DNAH1: variants seen among roughly 807,000 people sequenced by gnomAD.
The protein encoded by DNAH1 is dynein axonemal heavy chain 1.
A neutral mutation model predicts 484.3 loss-of-function variants in DNAH1; 327 were observed. The ratio of observed to expected loss-of-function variants is 0.68; its 90% CI spans 0.62 to 0.74. The LOEUF (loss-of-function observed/expected upper bound fraction) is 0.74. Among genes scored for constraint, DNAH1 ranks in the 30% least tolerant of loss-of-function variants. The pLI is 0.00. For missense variants in DNAH1, 5,052 were observed against 5,546.8 expected, an observed-to-expected ratio of 0.91 and a Z score of 2.83; for synonymous variants, 2,192 against 2,191.9, an observed-to-expected ratio of 1.00 and a Z score of 0.00.
chr3:52,324,562 G>T (rs988626456), intron 3 of DNAH1, among the ~76,000 whole-genome samples: 1 of 151,950 alleles, frequency 6.6e-6, no homozygotes, highest in Non-Finnish European at 1.5e-5. Context: ...GCCCCTGTCC[G>T]CCCCTCCTCC....
Position 52,361,410 on chromosome 3 carries a change from G to C in DNAH1, c.4874+58G>C. On this transcript the variant is annotated intron_variant, in intron 29 of 77. Coordinates refer to ENST00000420323, the MANE Select transcript of DNAH1 (RefSeq NM_015512.5). The surrounding 1 kb of genome is among the most constrained non-coding windows in gnomAD (Gnocchi z 5.6). ...GGTGGGACAGCCTAGCTCTCCTTGGGGAGGGCTAGGTGAGGGCAGTGCCTG... is the reference window on the plus strand; with the variant it reads ...GGTGGGACAGCCTAGCTCTCCTTGGCGAGGGCTAGGTGAGGGCAGTGCCTG... 1 of 1,483,846 alleles carries C rather than the reference G, an allele frequency of 6.7e-7. No homozygotes were observed. The highest frequency in any genetic ancestry group is 9.0e-7 in the Non-Finnish European group (1 of 1,110,598). 91.9% of individuals were successfully genotyped at this position (1,483,846 alleles called of 1,614,324 possible). A position where few individuals can be genotyped will look rare whatever the true frequency, so the allele number is the denominator to read the frequency against.
In DNAH1 at chr3:52,348,806, C is replaced by T. The variant is rs7633687; in HGVS notation, c.2107-82C>T. The T allele has an allele frequency of 0.11, 169,100 of 1,493,014 alleles. 10,484 individuals carry two copies. Among genetic ancestry groups the T allele is most frequent in the Non-Finnish European group, 0.13 (139,219 of 1,096,990 alleles). 92.5% of individuals were successfully genotyped at this position (1,493,014 alleles called of 1,614,324 possible). A position where few individuals can be genotyped will look rare whatever the true frequency, so the allele number is the denominator to read the frequency against. ...TCCTGCCCCTGCTTGCCCTGCTCCT[C>T]GGGAGGACTCCCCATCTCCCCTCTG... On this transcript the variant is annotated intron_variant, in intron 12 of 77. Transcript: ENST00000420323.
intron 52 of DNAH1, 144 bp from the exon 53 acceptor site, chr3:52,384,642 T>G (rs1704015565): frequency 8.6e-6 from 7 of 815,552 alleles, no homozygotes; most frequent in Non-Finnish European, 1.1e-5. Flanking sequence ...CTGGAGGTCG[T>G]GAGGCTCATA....
At chr3:52,352,172 C>T (rs998873328) in intron 17 of DNAH1, 69 bp downstream of exon 17, 102 of 1,525,888 alleles carry the variant, frequency 6.7e-5, no homozygotes, top group Non-Finnish European at 8.7e-5. Flanking sequence ...TCTCCAGGGC[C>T]TGGCCTCACT....
Position 52,364,820 on chromosome 3 carries a change from G to C in DNAH1, c.5332-13G>C. 1 of 1,611,096 alleles carries C rather than the reference G, an allele frequency of 6.2e-7. No homozygotes were observed. The highest frequency in any genetic ancestry group is 1.7e-4 in the Middle Eastern group (1 of 6,050). On this transcript the variant is annotated splice_polypyrimidine_tract_variant and intron_variant, in intron 33 of 77. Coordinates refer to ENST00000420323, the MANE Select transcript of DNAH1 (RefSeq NM_015512.5). This position sits in a 1 kb window ranked among gnomAD's most constrained non-coding sequence, Gnocchi z 4.2. ...GCCCACTGCCCTGAAGGCTCAGCCG[G>C]CACCTGCTGCAGGAGCTGATCTGCC...
chr3:52,348,009 T>G (rs1395956730), intron 12 of DNAH1, 35 bp downstream of exon 12: 3 of 1,576,398 alleles, frequency 1.9e-6, no homozygotes, highest in Non-Finnish European at 2.6e-6. Context: ...CCCAGGCACC[T>G]GCTGCCCTGG....
chr3:52,394,661 G>C lies in DNAH1; in HGVS notation c.10823G>C (p.Arg3608Pro), dbSNP rs775908803. Residue 3608 changes from arginine (R) to proline (P), a missense_variant and splice_region_variant, in exon 67 of 78, where the codon CGG (arginine) becomes CCG (proline). Physicochemically the swap from Arg to Pro is moderately radical, Grantham distance 103. Coordinates refer to ENST00000420323, the MANE Select transcript of DNAH1 (RefSeq NM_015512.5). Reference protein sequence around the residue: ...RVIFDSLEPHREPLPGIWDQY... With the variant: ...RVIFDSLEPHPEPLPGIWDQY... The stretch of plus-strand genomic sequence containing the variant: ...ATCTTCGACAGCCTTGAGCCCCACC[G>C]GTTAGCTGGGCCCCAGAATATGGCA... The C allele has an allele frequency of 7.0e-6, 11 of 1,561,472 alleles. No homozygotes were observed. The South Asian group carries it at 1.2e-4, about 17-fold the overall frequency.
At chr3:52,327,085 C>G (rs1294370064) in intron 5 of DNAH1, among the ~76,000 whole-genome samples, 194 bp downstream of exon 5, 1 of 151,076 alleles carries the variant, frequency 6.6e-6, no homozygotes, top group African/African-American at 2.4e-5. Context: ...GGGCCCCCAG[C>G]CCCCCTAGAA....
chr3:52,323,868 T>C lies in DNAH1; in HGVS notation c.394T>C (p.Phe132Leu), dbSNP rs1271592377. The C allele has an allele frequency of 6.3e-7, 1 of 1,577,008 alleles. No individual in the cohort carries two copies. The highest frequency in any genetic ancestry group is 1.8e-5 in the Admixed American group (1 of 54,594). Residue 132 changes from phenylalanine (F) to leucine (L), a missense_variant, in exon 3 of 78, where the codon TTC becomes CTC. Around this residue, in one of 4 missense-constraint regions of DNAH1, gnomAD observed 1,263 missense variants for 1,218.8 expected, o/e 1.04. Transcript: ENST00000420323. ...CCTGCGGCAGGCTGACCTTGACAAG[T>C]TCACCCCAAGAGGTCAGTGCTCAGG... The part of the protein sequence containing the change: ...NLLRQADLDK[F>L]TPRVGSFEVP...
At chr3:52,328,733 C>T (rs946416539) in intron 6 of DNAH1, among the ~76,000 whole-genome samples, 1 of 152,254 alleles carries the variant, frequency 6.6e-6, no homozygotes, top group African/African-American at 2.4e-5. Context: ...GGTGGGCATC[C>T]GCAGCTGACA....
intron 28 of DNAH1, 28 bp downstream of exon 28, chr3:52,360,452 A>G (rs769370180): frequency 8.9e-6 from 14 of 1,573,932 alleles, no homozygotes; most frequent in Non-Finnish European, 1.1e-5. Context: ...GCTCCTTCCC[A>G]CACTGAGACC....
At chr3:52,373,825 A>G (rs1703463935) in intron 44 of DNAH1, 1 of 1,420,180 alleles carries the variant, frequency 7.0e-7, no homozygotes, top group Admixed American at 1.7e-5. Flanking sequence ...GTGATCACAG[A>G]GCCTGTTTAC....
At chr3:52,345,877 G>T (rs749911632) in intron 10 of DNAH1, among the ~76,000 whole-genome samples, 171 bp downstream of exon 10, 1 of 152,200 alleles carries the variant, frequency 6.6e-6, no homozygotes, top group Non-Finnish European at 1.5e-5. Context: ...CTTATTGGAG[G>T]CTGGGGTGGG....
Position 52,358,758 on chromosome 3 carries a change from G to A in DNAH1, c.4266+21G>A, listed in dbSNP as rs1366777730. ...CCACGGTGAGCCGCCCGCAGCCCGT[G>A]CAGCCTTCCACCCCTGCACCCCTCT... On this transcript the variant is annotated intron_variant, in intron 25 of 77. Coordinates refer to ENST00000420323, the MANE Select transcript of DNAH1 (RefSeq NM_015512.5). The surrounding 1 kb of genome is among the most constrained non-coding windows in gnomAD (Gnocchi z 4.2). 1 of 1,611,000 alleles carries A rather than the reference G, an allele frequency of 6.2e-7. No individual in the cohort carries two copies.
At chr3:52,366,648 G>T (rs1166165761) in intron 35 of DNAH1, 85 bp from the exon 36 acceptor site, 1 of 1,556,518 alleles carries the variant, frequency 6.4e-7, no homozygotes, top group East Asian at 2.3e-5. Flanking sequence ...CCTTGGCATA[G>T]AATACCCCTC....
At chr3:52,372,484 T>G in intron 43 of DNAH1, 97 bp downstream of exon 43, 1 of 1,511,072 alleles carries the variant, frequency 6.6e-7, no homozygotes, top group Non-Finnish European at 8.9e-7. Flanking sequence ...CTCCTGGGTT[T>G]GCCAGGAACC....
intron 1 of DNAH1, among the ~76,000 whole-genome samples, chr3:52,319,728 C>T (rs1318656554): frequency 2.0e-5 from 3 of 152,218 alleles, no homozygotes; most frequent in African/African-American, 7.2e-5. Flanking sequence ...TTCTTTCTGT[C>T]TGTCTGTCTA....
chr3:52,395,663 C>T lies in DNAH1; in HGVS notation c.11244C>T (p.His3748=), dbSNP rs1284892764. 3 of 1,613,702 alleles carry T rather than the reference C, an allele frequency of 1.9e-6. No homozygotes were observed. In the Admixed American group the frequency reaches 5.0e-5, roughly 27 times the overall value. Reference sequence around the variant, plus strand: ...CAGCCCTAGAACGCCTCATCGAGCACATCAACCCCGACAAGGTGTGTTGCC... The same window carrying T: ...CAGCCCTAGAACGCCTCATCGAGCATATCAACCCCGACAAGGTGTGTTGCC... ...WMPALERLIE[H]INPDKVHRDF... The change falls in exon 70 of 78, where the codon CAC becomes CAT. Residue 3748 remains histidine (H), a synonymous_variant. Coordinates refer to ENST00000420323, the MANE Select transcript of DNAH1 (RefSeq NM_015512.5). The surrounding 1 kb of genome is among the most constrained non-coding windows in gnomAD (Gnocchi z 4.4).
chr3:52,347,537 G>T (rs1054199789), intron 11 of DNAH1, among the ~76,000 whole-genome samples: 16 of 152,202 alleles, frequency 1.1e-4, no homozygotes, highest in Non-Finnish European at 1.6e-4. Flanking sequence ...CCCGGGGAGA[G>T]AGTGGGGGCT....
Sources: allele counts gnomAD v4.1 joint callset (sites outside exome capture counted in the v4.1 genomes callset), GRCh38; gene constraint gnomAD v4.1.1; regional missense constraint gnomAD v4.1.1; non-coding constraint Gnocchi (gnomAD v3.1); transcripts MANE v1.5; gene names NCBI Gene and HGNC (gene_info 2026-07-23, HGNC 2026-07-21).